WDR64: variants seen among roughly 807,000 people sequenced by gnomAD.
The protein encoded by WDR64 is WD repeat-containing protein 64.
Under a neutral mutation model 139.3 loss-of-function variants are expected in WDR64, and 112 were observed. The observed-to-expected ratio is 0.80, with a 90% CI of 0.69 to 0.94. The LOEUF (loss-of-function observed/expected upper bound fraction) is 0.94, where lower values mean the gene tolerates loss of function less well. WDR64 is among the 40% of genes least tolerant of loss of function. The pLI, the probability that WDR64 is intolerant of heterozygous loss-of-function variation, is 0.00. For synonymous variants in WDR64, 444 were observed against 437.7 expected, an observed-to-expected ratio of 1.01 and a Z score of -0.18; for missense variants, 1,206 against 1,293.1, an observed-to-expected ratio of 0.93 and a Z score of 1.03.
At chr1:241,778,657 T>A (rs1436960908) in intron 21 of WDR64, among the ~76,000 whole-genome samples, 1 of 152,186 alleles carries the variant, frequency 6.6e-6, no homozygotes, top group Non-Finnish European at 1.5e-5. Context: ...CTCTCCTTTC[T>A]TAGCATATTT....
intron 8 of WDR64, among the ~76,000 whole-genome samples, chr1:241,694,675 C>T (rs371253013): frequency 6.6e-6 from 1 of 152,130 alleles, no homozygotes; most frequent in African/African-American, 2.4e-5. Context: ...TGTAGTCCTA[C>T]AGAAGACATA....
intron 8 of WDR64, 127 bp from the exon 9 acceptor site, chr1:241,711,675 C>A (rs963118278): frequency 7.2e-6 from 6 of 837,662 alleles, no homozygotes; most frequent in Non-Finnish European, 1.1e-5. Flanking sequence ...ACTTGTAATA[C>A]GGCCTGGGGG....
chr1:241,787,770 C>T (rs1267954707), intron 23 of WDR64, 79 bp from the exon 24 acceptor site: 42 of 1,293,398 alleles, frequency 3.2e-5, no homozygotes, highest in Non-Finnish European at 4.4e-5. Flanking sequence ...CGCTAATTTA[C>T]ATAAACGATC....
intron 8 of WDR64, among the ~76,000 whole-genome samples, chr1:241,689,623 G>T (rs1463905888): frequency 6.6e-6 from 1 of 152,124 alleles, no homozygotes; most frequent in Admixed American, 6.5e-5. Flanking sequence ...GACAGAACAA[G>T]CATCAGAATC....
chr1:241,728,492 A>G (rs1269393204), intron 10 of WDR64, among the ~76,000 whole-genome samples: 5 of 152,186 alleles, frequency 3.3e-5, no homozygotes, highest in Non-Finnish European at 7.3e-5. Context: ...AAAGCATATA[A>G]ATCGCCATGC....
In WDR64 at chr1:241,772,041, C is replaced by A. The variant is rs577622179; in HGVS notation, c.2290+344C>A. Among the ~76,000 whole-genome samples, 432 of 140,508 alleles carry A rather than the reference C, an allele frequency of 3.1e-3. 3 individuals carry two copies. The highest frequency in any genetic ancestry group is 8.8e-3 in the Middle Eastern group (2 of 228). 92.2% of individuals were successfully genotyped at this position (140,508 alleles called of 152,430 possible). On this transcript the variant is annotated intron_variant, in intron 19 of 27. Transcript: ENST00000437684. ...CTATGGGATTCAGTAGTCTAAATGG[C>A]AGAATTTTCATTATGATGATGCCTT...
At chr1:241,722,213 A>T (rs111835943) in intron 9 of WDR64, among the ~76,000 whole-genome samples, 3,199 of 152,300 alleles carry the variant, frequency 0.021, 48 homozygotes, top group Admixed American at 0.029. Context: ...AAATGTAATT[A>T]AAAATAAGGT....
Position 241,769,401 on chromosome 1 carries a change from T to C in WDR64, c.2082-3T>C, listed in dbSNP as rs941951071. ...TCTCATATAAATGTATACTTACTTC[T>C]AGGTACCGACCTGAAGATTGCTTCA... is the stretch of plus-strand genomic sequence containing the variant. On this transcript the variant is annotated splice_polypyrimidine_tract_variant and splice_region_variant and intron_variant, in intron 16 of 27. Coordinates refer to ENST00000437684, the MANE Select transcript of WDR64 (RefSeq NM_001367482.1). 4 of 1,550,892 alleles carry C rather than the reference T, an allele frequency of 2.6e-6. No homozygotes were observed. The highest frequency in any genetic ancestry group is 2.6e-6 in the Non-Finnish European group (3 of 1,146,566).
chr1:241,735,495 C>T (rs1669262617), intron 10 of WDR64, among the ~76,000 whole-genome samples: 1 of 145,394 alleles, frequency 6.9e-6, no homozygotes, highest in Non-Finnish European at 1.5e-5. Flanking sequence ...GTATAGTCTC[C>T]TTTTAATATT....
intron 8 of WDR64, among the ~76,000 whole-genome samples, chr1:241,708,612 C>T (rs1668044046): frequency 6.6e-6 from 1 of 151,698 alleles, no homozygotes; most frequent in South Asian, 2.1e-4. Flanking sequence ...CTGCACCCAG[C>T]CTTTAAGAAA....
intron 11 of WDR64, among the ~76,000 whole-genome samples, chr1:241,738,772 TTA>T (rs1283352541): frequency 6.6e-6 from 1 of 152,184 alleles, no homozygotes; most frequent in Admixed American, 6.5e-5. Flanking sequence ...AATTCTATAG[TTA>T]TCATTCCTCC....
At chr1:241,740,548 T>TGAGAAACTC (rs1558500929) in intron 11 of WDR64, among the ~76,000 whole-genome samples, 1 of 152,206 alleles carries the variant, frequency 6.6e-6, no homozygotes, top group Non-Finnish European at 1.5e-5. Flanking sequence ...TGGAGAAACT[T>TGAGAAACTC]GAGAAACTCA....
intron 8 of WDR64, among the ~76,000 whole-genome samples, chr1:241,691,759 A>G (rs1667299578): frequency 6.6e-6 from 1 of 152,206 alleles, no homozygotes; most frequent in Non-Finnish European, 1.5e-5. Flanking sequence ...CATGCCTGTA[A>G]TCCCAGCACT....
intron 6 of WDR64, among the ~76,000 whole-genome samples, chr1:241,679,883 T>C (rs948571919): frequency 1.3e-5 from 2 of 152,206 alleles, no homozygotes; most frequent in African/African-American, 4.8e-5. Flanking sequence ...ATTATCTTTC[T>C]TTGGGTATAC....
At chr1:241,662,271 C>T (rs763430541) in intron 2 of WDR64, among the ~76,000 whole-genome samples, 1 of 152,108 alleles carries the variant, frequency 6.6e-6, no homozygotes, top group Non-Finnish European at 1.5e-5. Context: ...TCCCTCTGCT[C>T]GGGGTATCAT....
Position 241,770,608 on chromosome 1 carries a change from A to T in WDR64, c.2184-13A>T. ...TAAAGTTTTACCTGTGGGCTTCCCC[A>T]CTCCCCTTATAGGAGATCAAGTCAG... On this transcript the variant is annotated splice_polypyrimidine_tract_variant and intron_variant, in intron 17 of 27. Coordinates refer to ENST00000437684, the MANE Select transcript of WDR64 (RefSeq NM_001367482.1). 6.5e-7 allele frequency: 1 copy of T among 1,548,718 alleles called. No individual in the cohort carries two copies.
intron 9 of WDR64, among the ~76,000 whole-genome samples, chr1:241,718,684 A>G (rs1668491754): frequency 6.6e-6 from 1 of 152,204 alleles, no homozygotes; most frequent in Non-Finnish European, 1.5e-5. Flanking sequence ...GCCTTAACAA[A>G]ATACCATAAG....
intron 9 of WDR64, among the ~76,000 whole-genome samples, chr1:241,715,583 C>A (rs1182185731): frequency 6.6e-6 from 1 of 152,142 alleles, no homozygotes; most frequent in East Asian, 1.9e-4. Context: ...AAAATATTAG[C>A]CCTCTTCCTC....
intron 8 of WDR64, among the ~76,000 whole-genome samples, chr1:241,690,757 G>A (rs973025898): frequency 2.6e-5 from 4 of 151,940 alleles, no homozygotes; most frequent in Non-Finnish European, 5.9e-5. Context: ...TCTTCAGAGA[G>A]AAAGAAAAGC....
Sources: gnomAD v4.1 joint callset for allele counts (sites outside exome capture counted in the v4.1 genomes callset) on GRCh38, gnomAD v4.1.1 for gene constraint, MANE v1.5 for transcripts, NCBI Gene and HGNC (gene_info 2026-07-23, HGNC 2026-07-21) for gene names.